The following PLEKHD1 variants were observed in gnomAD, a reference collection of about 807,000 sequenced individuals.
PLEKHD1 encodes the protein pleckstrin homology and coiled-coil domain containing D1.
Under a neutral mutation model 69.2 loss-of-function variants are expected in PLEKHD1, and 51 were observed. That is an observed-to-expected ratio of 0.74 (90% CI 0.59 to 0.93). The LOEUF (loss-of-function observed/expected upper bound fraction) is 0.93, where lower values mean the gene tolerates loss of function less well. PLEKHD1 is among the 40% of genes least tolerant of loss of function. PLEKHD1 has a pLI of 0.00. For missense variants in PLEKHD1, 584 were observed against 641.0 expected, an observed-to-expected ratio of 0.91 and a Z score of 0.96; for synonymous variants, 236 against 244.7, an observed-to-expected ratio of 0.96 and a Z score of 0.33.
chr14:69,489,793 C>T (rs1279748269), intron 1 of PLEKHD1, among the ~76,000 whole-genome samples: 1 of 152,044 alleles, frequency 6.6e-6, no homozygotes, highest in African/African-American at 2.4e-5. Flanking sequence ...GAATGGGGAA[C>T]AGGGGTACAG....
At position 69,525,965 on chromosome 14, in the gene PLEKHD1, A is replaced by G; in HGVS notation, c.766A>G (p.Lys256Glu). 1.3e-6 allele frequency: 2 copies of G among 1,551,566 alleles called. No individual in the cohort carries two copies. Among genetic ancestry groups the G allele is most frequent in the Non-Finnish European group, 1.7e-6 (2 of 1,146,954 alleles). ...CCAGGAACTCTCCATAGAGAAGAAG[A>G]AAACCCTGGAAATGCTGGAGGAGAA... ...TLEELSIEKK[K>E]TLEMLEENEN... The change falls in exon 9 of 13, where the codon AAA (lysine) becomes GAA (glutamate). Residue 256 changes from lysine (K) to glutamate (E), a missense_variant. Coordinates refer to ENST00000322564, the MANE Select transcript of PLEKHD1 (RefSeq NM_001161498.2).
intron 1 of PLEKHD1, among the ~76,000 whole-genome samples, chr14:69,499,195 C>T (rs887611505): frequency 6.6e-6 from 1 of 150,868 alleles, no homozygotes; most frequent in South Asian, 2.1e-4. Flanking sequence ...TCCAACTCTC[C>T]CTGCATGTAA....
the PLEKHD1 span, among the ~76,000 whole-genome samples, chr14:69,468,629 G>C: frequency 6.6e-6 from 1 of 151,686 alleles, no homozygotes; most frequent in Non-Finnish European, 1.5e-5. Context: ...TGGAGGGGCA[G>C]TGGTGCAATC....
intron 1 of PLEKHD1, among the ~76,000 whole-genome samples, chr14:69,491,630 C>T (rs1158124169): frequency 2.0e-5 from 3 of 152,302 alleles, no homozygotes; most frequent in Non-Finnish European, 4.4e-5. Flanking sequence ...TTTAACAGGA[C>T]CTGCCCAACA....
intron 1 of PLEKHD1, among the ~76,000 whole-genome samples, chr14:69,490,721 T>A (rs1566935781): frequency 1.3e-5 from 2 of 152,168 alleles, no homozygotes; most frequent in Admixed American, 6.5e-5. Flanking sequence ...GATGAGCATT[T>A]CCTGAGCACA....
chr14:69,502,571 C>T, intron 5 of PLEKHD1: 2 of 507,782 alleles, frequency 3.9e-6, no homozygotes, highest in Non-Finnish European at 7.2e-6. Flanking sequence ...CTGGGGGATG[C>T]AGAGACTGCT....
chr14:69,528,129 AG>A (rs1883701809), intron 12 of PLEKHD1, 120 bp from the exon 13 acceptor site: 1 of 1,413,700 alleles, frequency 7.1e-7, no homozygotes, highest in African/African-American at 1.4e-5. Context: ...GTGTGTGGGA[AG>A]GGGCTGGAAG....
At chr14:69,502,709 C>A (rs1883057155) in intron 5 of PLEKHD1, 118 bp from the exon 6 acceptor site, 2 of 1,329,492 alleles carry the variant, frequency 1.5e-6, no homozygotes, top group Non-Finnish European at 2.1e-6. Flanking sequence ...GGGCTGCAGG[C>A]CCCTTCCTTG....
intron 1 of PLEKHD1, among the ~76,000 whole-genome samples, chr14:69,498,503 G>A (rs972382474): frequency 2.0e-5 from 3 of 152,234 alleles, no homozygotes; most frequent in Admixed American, 2.0e-4. Context: ...CATAGCAGCT[G>A]TGGCCTTAGG....
intron 6 of PLEKHD1, 117 bp downstream of exon 6, chr14:69,502,996 G>T: frequency 7.7e-7 from 1 of 1,296,166 alleles, no homozygotes; most frequent in South Asian, 1.3e-5. Flanking sequence ...ATCAGATGGG[G>T]CAGGGCGGGG....
intron 8 of PLEKHD1, among the ~76,000 whole-genome samples, chr14:69,525,260 AC>A (rs1883617483): frequency 6.6e-6 from 1 of 152,046 alleles, no homozygotes; most frequent in Non-Finnish European, 1.5e-5. Flanking sequence ...TATGGCCCAT[AC>A]CTGTGCTGTA....
At position 69,521,942 on chromosome 14, in the gene PLEKHD1, C is replaced by T. The variant is rs556121185; in HGVS notation, c.556-341C>T. Among the ~76,000 whole-genome samples the T allele has an allele frequency of 1.1e-3, 175 of 152,276 alleles. 1 individual carries two copies. The highest frequency in any genetic ancestry group is 3.9e-3 in the African/African-American group (163 of 41,542). ...CTCCAGGTGTGAGGGACAGCCAACCCGCCTGATGGTGGCAGTGACTGGAGC... is the reference window on the plus strand; with the variant it reads ...CTCCAGGTGTGAGGGACAGCCAACCTGCCTGATGGTGGCAGTGACTGGAGC... On this transcript the variant is annotated intron_variant, in intron 6 of 12. Coordinates refer to ENST00000322564, the MANE Select transcript of PLEKHD1 (RefSeq NM_001161498.2).
chr14:69,525,863 C>CA lies in PLEKHD1; in HGVS notation c.745-81_745-80insA, dbSNP rs555613770. The CA allele has an allele frequency of 1.7e-4, 238 of 1,365,756 alleles. 4 individuals carry two copies. The South Asian group carries it at 3.2e-3, about 18-fold the overall frequency. The allele number at this position is 1,365,756 out of a possible 1,614,324, so 84.6% of individuals were successfully genotyped here. ...ACTGAGAGAGGAGTGGGTCACTCCC[C>CA]CAAACGGAAAAGCAGGTGAGGGCAG... On this transcript the variant is annotated intron_variant, in intron 8 of 12. Transcript: ENST00000322564.
chr14:69,475,938 C>T, the PLEKHD1 span, among the ~76,000 whole-genome samples: 1 of 152,138 alleles, frequency 6.6e-6, no homozygotes, highest in Non-Finnish European at 1.5e-5. Context: ...TATAATTCAA[C>T]CAAGGGGAGG....
intron 6 of PLEKHD1, 91 bp from the exon 7 acceptor site, chr14:69,522,192 C>G: frequency 8.1e-7 from 1 of 1,227,640 alleles, no homozygotes; most frequent in South Asian, 1.4e-5. Context: ...TGTGCTAAAT[C>G]CCAGAGGGTC....
At chr14:69,472,710 A>C in the PLEKHD1 span, among the ~76,000 whole-genome samples, 1 of 152,246 alleles carries the variant, frequency 6.6e-6, no homozygotes, top group Non-Finnish European at 1.5e-5. Context: ...GCCTAGGAGC[A>C]ATAGGCTGTA....
rs1236758785 is a variant in PLEKHD1, at chr14:69,530,404, A to G, written c.*1985A>G. 1.3e-5 allele frequency: 2 copies of G among 152,260 alleles called. No individual in the cohort carries two copies. Among genetic ancestry groups the G allele is most frequent in the African/African-American group, 4.8e-5 (2 of 41,474 alleles). The allele number at this position is 152,260 out of a possible 1,614,324, so 9.4% of individuals were successfully genotyped here. A position where few individuals can be genotyped will look rare whatever the true frequency, so the allele number is the denominator to read the frequency against. On this transcript the variant is annotated 3_prime_UTR_variant, in exon 13 of 13. Transcript: ENST00000322564. ...AAAACTTTAAACGTGTATAACATGCATAAACCTGGAACTTGTTTCTCTAAC... is the reference window on the plus strand; with the variant it reads ...AAAACTTTAAACGTGTATAACATGCGTAAACCTGGAACTTGTTTCTCTAAC...
intron 1 of PLEKHD1, among the ~76,000 whole-genome samples, chr14:69,499,376 G>A (rs1392644332): frequency 6.6e-6 from 1 of 152,206 alleles, no homozygotes; most frequent in African/African-American, 2.4e-5. Flanking sequence ...GGGTGTCCCT[G>A]AATCTCTGGG....
intron 11 of PLEKHD1, 77 bp downstream of exon 11, chr14:69,527,409 G>T: frequency 6.5e-7 from 1 of 1,535,046 alleles, no homozygotes; most frequent in Non-Finnish European, 8.8e-7. Context: ...GTAGAGCCAG[G>T]AAACCCACAC....
Sources: gnomAD v4.1 joint callset for allele counts (sites outside exome capture counted in the v4.1 genomes callset) on GRCh38, gnomAD v4.1.1 for gene constraint, MANE v1.5 for transcripts, NCBI Gene and HGNC (gene_info 2026-07-23, HGNC 2026-07-21) for gene names.